SSUH2: variants seen among roughly 807,000 people sequenced by gnomAD.
SSUH2 encodes the protein ssu-2 homolog.
Under a neutral mutation model 55.3 loss-of-function variants are expected in SSUH2, and 47 were observed. That is an observed-to-expected ratio of 0.85 (90% CI 0.67 to 1.08). The LOEUF (loss-of-function observed/expected upper bound fraction) is 1.08, where lower values mean the gene tolerates loss of function less well. Ranked by LOEUF, SSUH2 falls within the 50% of genes least tolerant of loss-of-function variation. The pLI is 0.00. For synonymous variants in SSUH2, 212 were observed against 191.5 expected (o/e 1.11, Z -0.89); for missense variants, 535 against 490.7 (o/e 1.09, Z -0.85).
upstream of SSUH2, among the ~76,000 whole-genome samples, chr3:8,649,165 AC>A (rs1252743776): frequency 6.6e-5 from 10 of 152,034 alleles, no homozygotes; most frequent in Admixed American, 4.6e-4. Context: ...TCCCAAGAGC[AC>A]CCCCAGCTAA....
At chr3:8,640,063 A>T in intron 1 of SSUH2, 1 of 927,546 alleles carries the variant, frequency 1.1e-6, no homozygotes, top group African/African-American at 1.8e-5. Context: ...GTGATGGTTG[A>T]CAGGGGCTGT....
At chr3:8,678,698 CCT>C (rs1426099190) in intron 2 of SSUH2, among the ~76,000 whole-genome samples, 14 of 48,732 alleles carry the variant, frequency 2.9e-4, no homozygotes, top group Non-Finnish European at 4.3e-4. Flanking sequence ...CCACTCTTCC[CCT>C]CCTGGGTCTT....
At chr3:8,679,375 C>T (rs1705783785) in intron 2 of SSUH2, among the ~76,000 whole-genome samples, 1 of 102,820 alleles carries the variant, frequency 9.7e-6, no homozygotes, top group Admixed American at 1.1e-4. Context: ...TGGCGGGAGG[C>T]ATCCCCCAGG....
intron 11 of SSUH2, among the ~76,000 whole-genome samples, chr3:8,621,805 G>A (rs1696501290): frequency 6.6e-6 from 1 of 152,172 alleles, no homozygotes; most frequent in African/African-American, 2.4e-5. Flanking sequence ...AGGGACTAAA[G>A]GGCACAAGGA....
At chr3:8,627,911 A>C in intron 7 of SSUH2, 128 bp from the exon 8 acceptor site, 1 of 653,200 alleles carries the variant, frequency 1.5e-6, no homozygotes, top group South Asian at 2.5e-5. Flanking sequence ...CTTCATCTGT[A>C]AAATGGTGCG....
At position 8,642,840 on chromosome 3, in the gene SSUH2, G is replaced by T. The variant is rs548028619; in HGVS notation, c.28+1891C>A. Among the ~76,000 whole-genome samples the T allele has an allele frequency of 4.0e-5, 6 of 151,254 alleles. No homozygotes were observed. In the South Asian group the frequency reaches 1.3e-3, roughly 32 times the overall value. On this transcript the variant is annotated intron_variant, in intron 1 of 11. Transcript: ENST00000544814. ...GCAGGCTCCCTTTCTGACACTTGGG[G>T]AAAAAAAAATCTACCTGGTTTCTGA...
intron 7 of SSUH2, among the ~76,000 whole-genome samples, chr3:8,657,968 G>A (rs768505038): frequency 2.6e-5 from 4 of 152,224 alleles, no homozygotes; most frequent in Non-Finnish European, 5.9e-5. Context: ...TTCTCCCCAC[G>A]ACAACTCCAA....
intron 2 of SSUH2, among the ~76,000 whole-genome samples, chr3:8,679,325 C>CA (rs1705776536): frequency 1.3e-5 from 1 of 75,880 alleles, no homozygotes; most frequent in Non-Finnish European, 3.2e-5. Context: ...TAAGAGCCAG[C>CA]CCCTCTTCCC....
rs1414376133 is a variant in SSUH2, at chr3:8,666,091, G to T, written c.-454-2289C>A. 2.6e-5 allele frequency among the ~76,000 whole-genome samples: 4 copies of T among 152,128 alleles called. No individual in the cohort carries two copies. The East Asian group carries it at 7.7e-4, about 29-fold the overall frequency. ...GCAAAGACTGAACATGTGAGAAAGGGTTTCCTTATGGAGTTTCAAATGTGC... is the reference window on the plus strand; with the variant it reads ...GCAAAGACTGAACATGTGAGAAAGGTTTTCCTTATGGAGTTTCAAATGTGC... On this transcript the variant is annotated intron_variant, in intron 5 of 18. Transcript: ENST00000317371.
intron 11 of SSUH2, among the ~76,000 whole-genome samples, chr3:8,620,247 T>C (rs941829435): frequency 1.3e-5 from 2 of 152,174 alleles, no homozygotes; most frequent in Non-Finnish European, 2.9e-5. Context: ...GGTGGGTTTT[T>C]CCCATACCAT....
intron 2 of SSUH2, among the ~76,000 whole-genome samples, chr3:8,678,095 T>C (rs1324010465): frequency 1.3e-5 from 2 of 152,094 alleles, no homozygotes; most frequent in East Asian, 1.9e-4. Flanking sequence ...GTCCACCTTC[T>C]GTCATATTGA....
Position 8,677,101 on chromosome 3 carries a change from G to C in SSUH2, c.-753+105C>G, listed in dbSNP as rs146352281. On this transcript the variant is annotated intron_variant, in intron 3 of 18. Coordinates refer to the SSUH2 transcript ENST00000317371. Reference sequence around the variant, plus strand: ...CCCTGTGGCTCTTAGGACCCCCATCGCAGCGGGGAGAGATACCCCCCGCGA... The same window carrying C: ...CCCTGTGGCTCTTAGGACCCCCATCCCAGCGGGGAGAGATACCCCCCGCGA... The C allele has an allele frequency of 6.8e-5, 10 of 148,126 alleles. 2 individuals are homozygous for C. Among genetic ancestry groups the C allele is most frequent in the South Asian group, 2.2e-4 (1 of 4,588 alleles). The allele number at this position is 148,126 out of a possible 1,614,324, so 9.2% of individuals were successfully genotyped here. A position where few individuals can be genotyped will look rare whatever the true frequency, so the allele number is the denominator to read the frequency against.
chr3:8,652,312 G>A (rs1368443039), intron 7 of SSUH2, among the ~76,000 whole-genome samples: 2 of 152,210 alleles, frequency 1.3e-5, no homozygotes, highest in Admixed American at 6.5e-5. Context: ...TCTGTGATCA[G>A]GAGTAGCCTT....
At chr3:8,662,179 T>C (rs1361011557) in intron 6 of SSUH2, among the ~76,000 whole-genome samples, 1 of 152,208 alleles carries the variant, frequency 6.6e-6, no homozygotes, top group Non-Finnish European at 1.5e-5. Context: ...CTCCCAAGAA[T>C]GTTTGTTATG....
chr3:8,646,919 C>T (rs1316680459), upstream of SSUH2, among the ~76,000 whole-genome samples: 2 of 152,216 alleles, frequency 1.3e-5, no homozygotes, highest in African/African-American at 4.8e-5. Flanking sequence ...CCTGAACTGG[C>T]CCTCGTGTCC....
chr3:8,655,430 T>A, intron 7 of SSUH2, among the ~76,000 whole-genome samples: 1 of 98,398 alleles, frequency 1.0e-5, no homozygotes, highest in Non-Finnish European at 2.1e-5. Context: ...TGTGGCCTCC[T>A]CAAGATCACA....
chr3:8,628,599 G>T (rs1320490548), intron 7 of SSUH2, among the ~76,000 whole-genome samples: 2 of 152,198 alleles, frequency 1.3e-5, no homozygotes, highest in Non-Finnish European at 2.9e-5. Context: ...CCGATGACGT[G>T]TTCTTATTAG....
At chr3:8,671,056 T>G (rs1417165773) in exon 5 of SSUH2, 1 of 369,652 alleles carries the variant, frequency 2.7e-6, no homozygotes, top group Non-Finnish European at 5.9e-6. Context: ...TATCAAAGGG[T>G]GCACACGCAT....
chr3:8,665,871 T>A (rs62244197), intron 5 of SSUH2, among the ~76,000 whole-genome samples: 2 of 152,148 alleles, frequency 1.3e-5, no homozygotes, highest in African/African-American at 4.8e-5. Flanking sequence ...TAGAACACAA[T>A]GAAGATCATT....
Sources: gnomAD v4.1 joint callset for allele counts (sites outside exome capture counted in the v4.1 genomes callset) on GRCh38, gnomAD v4.1.1 for gene constraint, MANE v1.5 for transcripts, NCBI Gene and HGNC (gene_info 2026-07-23, HGNC 2026-07-21) for gene names.